Variants in PARD6G observed in about 807,000 individuals in gnomAD.
The protein encoded by PARD6G is partitioning defective 6 homolog gamma.
Under a neutral mutation model 10.7 loss-of-function variants are expected in PARD6G, and 7 were observed. That is an observed-to-expected ratio of 0.66 (90% CI 0.37 to 1.23). The LOEUF (loss-of-function observed/expected upper bound fraction) is 1.23, where lower values mean the gene tolerates loss of function less well. Among genes scored for constraint, PARD6G ranks in the 50% most tolerant of loss-of-function variants. The pLI is 0.02. For missense variants in PARD6G, 548 were observed against 571.8 expected (o/e 0.96, Z 0.42); for synonymous variants, 287 against 269.4 (o/e 1.07, Z -0.64).
intron 2 of PARD6G, among the ~76,000 whole-genome samples, chr18:80,195,572 T>TATATATATACAC (rs894731117): frequency 5.7e-5 from 5 of 87,348 alleles, no homozygotes; most frequent in African/African-American, 2.4e-4. Context: ...TATATATATA[T>TATATATATACAC]ACACACATTT....
chr18:80,179,531 C>T (rs1043768557), intron 2 of PARD6G, among the ~76,000 whole-genome samples: 1 of 152,226 alleles, frequency 6.6e-6, no homozygotes. Flanking sequence ...ACCCAGGAGG[C>T]TTGCTTTAGG....
chr18:80,203,027 T>C (rs1231409640), intron 1 of PARD6G, 95 bp from the exon 2 acceptor site: 7 of 779,176 alleles, frequency 9.0e-6, no homozygotes, highest in African/African-American at 8.6e-5. Flanking sequence ...AACAAACAAG[T>C]ATTTACATTC....
At chr18:80,219,579 G>A (rs1016122571) in intron 1 of PARD6G, among the ~76,000 whole-genome samples, 5 of 152,136 alleles carry the variant, frequency 3.3e-5, no homozygotes, top group Admixed American at 2.0e-4. Context: ...CCTCTTGAAT[G>A]CTTTGCTAGT....
Position 80,247,160 on chromosome 18 carries a change from G to A in PARD6G, c.72+117C>T, listed in dbSNP as rs539466478. ...CGGAGCGGCGCGCGGCGCCCGAACT[G>A]GAAAGTTGTCGCCGGCGCCTGTCGC... On this transcript the variant is annotated intron_variant, in intron 1 of 2. Coordinates refer to ENST00000353265, the MANE Select transcript of PARD6G (RefSeq NM_032510.4). This position sits in a 1 kb window ranked among gnomAD's most constrained non-coding sequence, Gnocchi z 4.2. 1.8e-4 allele frequency: 135 copies of A among 737,248 alleles called. No individual in the cohort carries two copies. The highest frequency in any genetic ancestry group is 1.7e-3 in the African/African-American group (93 of 53,182). 45.7% of individuals were successfully genotyped at this position (737,248 alleles called of 1,614,324 possible).
In PARD6G at chr18:80,247,113, G is replaced by A. The variant is rs1245505563; in HGVS notation, c.72+164C>T. On this transcript the variant is annotated intron_variant, in intron 1 of 2. Coordinates refer to ENST00000353265, the MANE Select transcript of PARD6G (RefSeq NM_032510.4). The surrounding 1 kb of genome is among the most constrained non-coding windows in gnomAD (Gnocchi z 4.2). ...CGCGCGGGGGGCGGGAAGGACGGCC[G>A]GGGTCCCCAGTGCGCGTCCCGCGGA... Among the ~76,000 whole-genome samples, 1 of 152,054 alleles carries A rather than the reference G, an allele frequency of 6.6e-6. No individual in the cohort carries two copies. Among genetic ancestry groups the A allele is most frequent in the Non-Finnish European group, 1.5e-5 (1 of 67,982 alleles).
intron 1 of PARD6G, among the ~76,000 whole-genome samples, chr18:80,241,203 G>C (rs1454545856): frequency 6.6e-6 from 1 of 152,158 alleles, no homozygotes; most frequent in Non-Finnish European, 1.5e-5. Flanking sequence ...CTGTGTCCTG[G>C]TTTGTATTTC....
rs150676639 is a variant in PARD6G at position 80,209,476 on chromosome 18, A to G, written c.73-6544T>C. ...ATTTCATCTTTTAAAATTATTAAAA[A>G]TTATCTCAAATACAAAATACCAAGA... On this transcript the variant is annotated intron_variant, in intron 1 of 2. Coordinates refer to ENST00000353265, the MANE Select transcript of PARD6G (RefSeq NM_032510.4). Among the ~76,000 whole-genome samples, 12 of 152,274 alleles carry G rather than the reference A, an allele frequency of 7.9e-5. No individual in the cohort carries two copies. In the South Asian group the frequency reaches 1.5e-3, roughly 18 times the overall value.
intron 1 of PARD6G, among the ~76,000 whole-genome samples, chr18:80,244,212 C>G (rs546444613): frequency 1.3e-5 from 2 of 152,122 alleles, no homozygotes; most frequent in Non-Finnish European, 2.9e-5. Context: ...TCCCTCCCCA[C>G]GGCAGGTCCT....
chr18:80,240,120 C>T (rs951068744), intron 1 of PARD6G, among the ~76,000 whole-genome samples: 18 of 152,242 alleles, frequency 1.2e-4, no homozygotes, highest in African/African-American at 4.1e-4. Flanking sequence ...GAGGGATCCA[C>T]CTCCATGACC....
chr18:80,240,985 A>G (rs1345864659), intron 1 of PARD6G, among the ~76,000 whole-genome samples: 1 of 152,194 alleles, frequency 6.6e-6, no homozygotes, highest in Non-Finnish European at 1.5e-5. Flanking sequence ...AAATGTATGG[A>G]TAAGATCAGA....
chr18:80,226,548 T>C (rs1055995117), intron 1 of PARD6G, among the ~76,000 whole-genome samples: 1 of 152,200 alleles, frequency 6.6e-6, no homozygotes, highest in Admixed American at 6.5e-5. Context: ...TTCTAAACAA[T>C]GGTAGCACAC....
chr18:80,207,617 A>G (rs1967066176), intron 1 of PARD6G, among the ~76,000 whole-genome samples: 1 of 152,230 alleles, frequency 6.6e-6, no homozygotes. Flanking sequence ...TAAAACACAC[A>G]TAAAATTTAC....
At chr18:80,245,538 TGC>T (rs1290916574) in intron 1 of PARD6G, among the ~76,000 whole-genome samples, 11 of 152,114 alleles carry the variant, frequency 7.2e-5, no homozygotes, top group African/African-American at 2.4e-4. Flanking sequence ...TACGACAGTG[TGC>T]TAGTCACACG....
At chr18:80,178,443 A>G (rs1224212475) in intron 2 of PARD6G, 2 of 152,486 alleles carry the variant, frequency 1.3e-5, no homozygotes, top group Non-Finnish European at 2.9e-5. Flanking sequence ...GAAAGGGAGA[A>G]TCCTCCAGCC....
At chr18:80,187,033 A>G (rs1599856179) in intron 2 of PARD6G, among the ~76,000 whole-genome samples, 1 of 151,034 alleles carries the variant, frequency 6.6e-6, no homozygotes, top group Non-Finnish European at 1.5e-5. Flanking sequence ...CGGGAGGTGG[A>G]GCTTGCAGTG....
chr18:80,217,659 A>C (rs1348237130), intron 1 of PARD6G, among the ~76,000 whole-genome samples: 1 of 152,196 alleles, frequency 6.6e-6, no homozygotes, highest in Non-Finnish European at 1.5e-5. Flanking sequence ...AAAATGTCTG[A>C]AGAGTACTCC....
chr18:80,223,250 G>GA (rs145765235), intron 1 of PARD6G, among the ~76,000 whole-genome samples: 9 of 151,378 alleles, frequency 5.9e-5, no homozygotes, highest in African/African-American at 2.2e-4. Context: ...AACCACAAAA[G>GA]AAAAAAAAGA....
intron 1 of PARD6G, among the ~76,000 whole-genome samples, chr18:80,242,167 G>A (rs1967497476): frequency 6.6e-6 from 1 of 151,708 alleles, no homozygotes; most frequent in Non-Finnish European, 1.5e-5. Flanking sequence ...GGCTGACTCT[G>A]CACTTGGGTC....
Position 80,228,269 on chromosome 18 carries a change from C to T in PARD6G, c.72+19008G>A, listed in dbSNP as rs1416018230. ...GCAGAGAGACCCCAAGTGAAAACTGCGGAAGCCGCCATGGGGAGGTGAGGG... is the reference window on the plus strand; with the variant it reads ...GCAGAGAGACCCCAAGTGAAAACTGTGGAAGCCGCCATGGGGAGGTGAGGG... On this transcript the variant is annotated intron_variant, in intron 1 of 2. Transcript: ENST00000353265. The surrounding 1 kb of genome is among the most constrained non-coding windows in gnomAD (Gnocchi z 4.6). 2.0e-5 allele frequency among the ~76,000 whole-genome samples: 3 copies of T among 151,740 alleles called. No individual in the cohort carries two copies. Among genetic ancestry groups the T allele is most frequent in the Non-Finnish European group, 2.9e-5 (2 of 67,972 alleles).
Sources: gnomAD v4.1 joint callset for allele counts (sites outside exome capture counted in the v4.1 genomes callset) on GRCh38, gnomAD v4.1.1 for gene constraint, Gnocchi (gnomAD v3.1) non-coding constraint, MANE v1.5 for transcripts, NCBI Gene and HGNC (gene_info 2026-07-23, HGNC 2026-07-21) for gene names.